Variants in PTPRN2 observed in about 807,000 individuals in gnomAD.
The protein encoded by PTPRN2 is protein tyrosine phosphatase receptor type N2, also known as receptor-type tyrosine-protein phosphatase N2.
PTPRN2 carries 74 observed loss-of-function variants against 118.8 expected under a neutral mutation model. The observed-to-expected ratio is 0.62, with a 90% CI of 0.52 to 0.76. The LOEUF (loss-of-function observed/expected upper bound fraction) is 0.76. Ranked by LOEUF, PTPRN2 falls within the 30% of genes least tolerant of loss-of-function variation. The probability of loss-of-function intolerance (pLI) is 0.00; values close to 1 mark genes in which losing one functional copy is unlikely to be tolerated. For synonymous variants in PTPRN2, 641 were observed against 608.0 expected (o/e 1.05, Z -0.80); for missense variants, 1,481 against 1,394.4 (o/e 1.06, Z -0.99).
At chr7:157,812,275 C>T (rs765144356) in intron 12 of PTPRN2, among the ~76,000 whole-genome samples, 14 of 152,168 alleles carry the variant, frequency 9.2e-5, no homozygotes, top group South Asian at 4.1e-4. Flanking sequence ...CCGGGAGAGA[C>T]GCCCAGAGGG....
intron 1 of PTPRN2, among the ~76,000 whole-genome samples, chr7:158,575,727 A>C (rs117538809): frequency 3.9e-5 from 6 of 152,202 alleles, no homozygotes; most frequent in Non-Finnish European, 4.4e-5. Context: ...GCATAACTAC[A>C]TAAGTATCCA....
intron 11 of PTPRN2, among the ~76,000 whole-genome samples, chr7:157,940,826 C>G (rs1800034509): frequency 1.1e-5 from 1 of 91,362 alleles, no homozygotes; most frequent in Non-Finnish European, 1.9e-5. Flanking sequence ...ATGCCCTCCC[C>G]ACAGTGACAC....
chr7:158,107,748 C>T (rs1038284001), intron 10 of PTPRN2, among the ~76,000 whole-genome samples: 2 of 152,180 alleles, frequency 1.3e-5, no homozygotes, highest in Admixed American at 1.3e-4. Context: ...TCACGCTGTA[C>T]CTGCTCTCTT....
intron 12 of PTPRN2, among the ~76,000 whole-genome samples, chr7:157,826,752 AT>A (rs1246740509): frequency 6.6e-6 from 1 of 152,130 alleles, no homozygotes; most frequent in Non-Finnish European, 1.5e-5. Flanking sequence ...GGGAGTCCTG[AT>A]TGCAGAGGGT....
intron 3 of PTPRN2, among the ~76,000 whole-genome samples, chr7:158,272,718 G>A (rs1308323485): frequency 1.3e-5 from 2 of 152,174 alleles, no homozygotes; most frequent in Admixed American, 6.5e-5. Context: ...CCTCAGGATG[G>A]AGACAGTCGC....
At chr7:157,699,938 G>T (rs1797986783) in intron 12 of PTPRN2, among the ~76,000 whole-genome samples, 1 of 152,300 alleles carries the variant, frequency 6.6e-6, no homozygotes. Flanking sequence ...CTGCAACAGG[G>T]TGCTGTCAGG....
At chr7:158,245,707 T>C (rs1796203029) in intron 3 of PTPRN2, among the ~76,000 whole-genome samples, 1 of 152,164 alleles carries the variant, frequency 6.6e-6, no homozygotes, top group African/African-American at 2.4e-5. Flanking sequence ...CTCTGGCAGT[T>C]TCCCCAGGAG....
chr7:157,930,079 A>G (rs1799270217), intron 11 of PTPRN2, among the ~76,000 whole-genome samples: 1 of 152,156 alleles, frequency 6.6e-6, no homozygotes, highest in Non-Finnish European at 1.5e-5. Context: ...AGCCTGTTGA[A>G]TCACATCACA....
intron 12 of PTPRN2, among the ~76,000 whole-genome samples, chr7:157,748,278 C>T (rs373758317): frequency 5.1e-4 from 77 of 149,588 alleles, no homozygotes; most frequent in African/African-American, 1.9e-3. Flanking sequence ...GCCTGCGTCC[C>T]TGAGCTGTGG....
chr7:158,228,060 C>A (rs550890282), intron 3 of PTPRN2, among the ~76,000 whole-genome samples: 1 of 152,138 alleles, frequency 6.6e-6, no homozygotes, highest in African/African-American at 2.4e-5. Flanking sequence ...AAGCTCTATG[C>A]GTATTCAAAG....
intron 1 of PTPRN2, among the ~76,000 whole-genome samples, chr7:158,580,162 T>A (rs779197340): frequency 6.6e-6 from 1 of 152,250 alleles, no homozygotes; most frequent in Non-Finnish European, 1.5e-5. Flanking sequence ...GTGTGCACAG[T>A]TGAGTCCTCT....
At chr7:157,999,962 C>A (rs1201890354) in intron 11 of PTPRN2, among the ~76,000 whole-genome samples, 1 of 152,110 alleles carries the variant, frequency 6.6e-6, no homozygotes, top group African/African-American at 2.4e-5. Context: ...TCTCAGCTCA[C>A]TGCAACCTCC....
At chr7:157,669,576 C>T (rs998160808) in intron 13 of PTPRN2, 9 of 483,728 alleles carry the variant, frequency 1.9e-5, no homozygotes, top group Admixed American at 6.6e-5. Flanking sequence ...GTTCCACGCA[C>T]GGGCAAACAA....
intron 11 of PTPRN2, among the ~76,000 whole-genome samples, chr7:158,026,636 T>C (rs982101790): frequency 1.3e-5 from 2 of 152,144 alleles, no homozygotes; most frequent in Admixed American, 1.3e-4. Context: ...CGTGAGATGG[T>C]ACAGGAGGGA....
chr7:157,937,413 T>G (rs942645941), intron 11 of PTPRN2, among the ~76,000 whole-genome samples: 18 of 152,210 alleles, frequency 1.2e-4, no homozygotes, highest in African/African-American at 4.3e-4. Context: ...AAATGAAAGG[T>G]GCGGGAATAG....
intron 2 of PTPRN2, among the ~76,000 whole-genome samples, chr7:158,456,940 A>T (rs1230163564): frequency 6.6e-6 from 1 of 152,166 alleles, no homozygotes; most frequent in Non-Finnish European, 1.5e-5. Flanking sequence ...TGAGGGCTTT[A>T]AAAAATGTCA....
rs2151083143 is a variant in PTPRN2, at chr7:157,794,445, A to G, written c.1788+104228T>C. ...GATGGCAGCTTCCCTCTGAAAGCCC[A>G]TTGTGTCTGCCCCTATTCTTTGAAG... is the stretch of plus-strand genomic sequence containing the variant. On this transcript the variant is annotated intron_variant, in intron 12 of 22. Coordinates refer to ENST00000389418, the MANE Select transcript of PTPRN2 (RefSeq NM_002847.5). This position sits in a 1 kb window ranked among gnomAD's most constrained non-coding sequence, Gnocchi z 5.2. 6.6e-6 allele frequency among the ~76,000 whole-genome samples: 1 copy of G among 152,318 alleles called. No homozygotes were observed. The highest frequency in any genetic ancestry group is 1.5e-5 in the Non-Finnish European group (1 of 68,032).
chr7:158,061,872 T>A (rs2128907768), intron 11 of PTPRN2, among the ~76,000 whole-genome samples: 1 of 152,362 alleles, frequency 6.6e-6, no homozygotes, highest in East Asian at 1.9e-4. Flanking sequence ...ATGCCACTTT[T>A]TTGATGAGCA....
At chr7:157,745,359 A>C (rs988570348) in intron 12 of PTPRN2, among the ~76,000 whole-genome samples, 5 of 147,632 alleles carry the variant, frequency 3.4e-5, no homozygotes, top group Non-Finnish European at 6.1e-5. Context: ...GCTCCAGACG[A>C]ACGCAAGGCT....
Sources: allele counts gnomAD v4.1 joint callset (sites outside exome capture counted in the v4.1 genomes callset), GRCh38; gene constraint gnomAD v4.1.1; non-coding constraint Gnocchi (gnomAD v3.1); transcripts MANE v1.5; gene names NCBI Gene and HGNC (gene_info 2026-07-23, HGNC 2026-07-21).